Variants in TBC1D5 observed in about 807,000 individuals in gnomAD.
TBC1D5 encodes TBC1 domain family, member 5.
Under a neutral mutation model 100.3 loss-of-function variants are expected in TBC1D5, and 75 were observed. The ratio of observed to expected loss-of-function variants is 0.75; its 90% CI spans 0.62 to 0.91. TBC1D5 has a LOEUF of 0.91. TBC1D5 is among the 40% of genes least tolerant of loss of function. The pLI, the probability that TBC1D5 is intolerant of heterozygous loss-of-function variation, is 0.00. For synonymous variants in TBC1D5, 323 were observed against 325.6 expected (o/e 0.99, Z 0.09); for missense variants, 910 against 942.4 (o/e 0.97, Z 0.45).
chr3:17,335,391 T>C (rs553227333), intron 13 of TBC1D5, among the ~76,000 whole-genome samples: 1 of 152,242 alleles, frequency 6.6e-6, no homozygotes, highest in African/African-American at 2.4e-5. Context: ...GCTTTTGCCC[T>C]AAATCATCTC....
At chr3:17,382,565 T>C (rs2152214028) in intron 9 of TBC1D5, among the ~76,000 whole-genome samples, 1 of 40,858 alleles carries the variant, frequency 2.4e-5, no homozygotes, top group African/African-American at 2.2e-4. Flanking sequence ...TTGAATAACT[T>C]TTTTTTTTTT....
At chr3:17,725,620 G>C (rs1448789126) in intron 1 of TBC1D5, among the ~76,000 whole-genome samples, 2 of 152,128 alleles carry the variant, frequency 1.3e-5, no homozygotes, top group Non-Finnish European at 2.9e-5. Flanking sequence ...AAGCTCCTCA[G>C]AATGTGGCAA....
At chr3:17,193,790 C>T (rs770868062) in intron 18 of TBC1D5, among the ~76,000 whole-genome samples, 12 of 152,086 alleles carry the variant, frequency 7.9e-5, no homozygotes, top group Non-Finnish European at 1.6e-4. Context: ...GACCTTATAG[C>T]GTTGCTTGAG....
rs535274895 is a variant in TBC1D5, at chr3:17,713,773, A to G, written c.-101+25570T>C. ...AGATATTCAAATGGCCAGAAAGCAC[A>G]TGAAAACATGCTCAACATCATTAGT... On this transcript the variant is annotated intron_variant, in intron 1 of 21. Transcript: ENST00000253692. 4.6e-4 allele frequency among the ~76,000 whole-genome samples: 70 copies of G among 152,366 alleles called. 1 individual carries two copies. The highest frequency in any genetic ancestry group is 4.3e-4 in the Non-Finnish European group (29 of 68,044).
At chr3:17,580,799 T>C (rs936970071) in intron 2 of TBC1D5, among the ~76,000 whole-genome samples, 1 of 152,214 alleles carries the variant, frequency 6.6e-6, no homozygotes, top group Non-Finnish European at 1.5e-5. Flanking sequence ...TCAGATATTC[T>C]GAAAGACCAA....
At chr3:17,492,779 T>C (rs1361055632) in intron 3 of TBC1D5, among the ~76,000 whole-genome samples, 1 of 152,192 alleles carries the variant, frequency 6.6e-6, no homozygotes, top group Non-Finnish European at 1.5e-5. Flanking sequence ...TCCCAGAGAT[T>C]CTGGTACATT....
At chr3:17,185,053 A>G in intron 19 of TBC1D5, 56 bp downstream of exon 20, 13 of 1,477,060 alleles carry the variant, frequency 8.8e-6, no homozygotes, top group Non-Finnish European at 1.2e-5. Flanking sequence ...AAGTATTGCT[A>G]GTGGCTATTA....
chr3:17,348,576 CT>C (rs2090188122), intron 13 of TBC1D5, among the ~76,000 whole-genome samples: 1 of 152,106 alleles, frequency 6.6e-6, no homozygotes, highest in South Asian at 2.1e-4. Flanking sequence ...TCTTGGCTGT[CT>C]TTTTTTCTGA....
chr3:17,490,737 TC>T (rs1310088057), intron 3 of TBC1D5, among the ~76,000 whole-genome samples: 1 of 152,202 alleles, frequency 6.6e-6, no homozygotes, highest in Non-Finnish European at 1.5e-5. Flanking sequence ...TAGTTTGAAG[TC>T]GGGTAGCATG....
At chr3:17,265,390 T>C (rs914589836) in intron 15 of TBC1D5, among the ~76,000 whole-genome samples, 1 of 152,118 alleles carries the variant, frequency 6.6e-6, no homozygotes, top group South Asian at 2.1e-4. Context: ...TACCAACCCT[T>C]AATTTTTATA....
intron 2 of TBC1D5, among the ~76,000 whole-genome samples, chr3:17,570,589 T>TA (rs1167260861): frequency 1.3e-5 from 2 of 152,058 alleles, no homozygotes; most frequent in African/African-American, 2.4e-5. Flanking sequence ...TTGTATCACT[T>TA]ACCTATCTAC....
At chr3:17,417,040 G>A (rs1408748786) in intron 4 of TBC1D5, among the ~76,000 whole-genome samples, 1 of 152,082 alleles carries the variant, frequency 6.6e-6, no homozygotes, top group African/African-American at 2.4e-5. Flanking sequence ...TGGGGGGAAG[G>A]GTAAGAAGGC....
At chr3:17,712,119 T>A (rs1484406696) in intron 1 of TBC1D5, among the ~76,000 whole-genome samples, 2 of 152,012 alleles carry the variant, frequency 1.3e-5, no homozygotes, top group Non-Finnish European at 2.9e-5. Context: ...AAGCACCTCA[T>A]AGGAAACTGT....
At chr3:17,738,530 A>G (rs2077146858) in intron 1 of TBC1D5, among the ~76,000 whole-genome samples, 1 of 152,124 alleles carries the variant, frequency 6.6e-6, no homozygotes. Flanking sequence ...ATCATACAGA[A>G]TTTGTAAAAA....
chr3:17,463,208 T>C (rs1296932762), intron 3 of TBC1D5, among the ~76,000 whole-genome samples: 1 of 152,226 alleles, frequency 6.6e-6, no homozygotes, highest in African/African-American at 2.4e-5. Context: ...ATAAATATTC[T>C]GGGTTATATC....
chr3:17,714,892 C>T (rs2075088584), intron 1 of TBC1D5, among the ~76,000 whole-genome samples: 1 of 152,132 alleles, frequency 6.6e-6, no homozygotes, highest in South Asian at 2.1e-4. Flanking sequence ...ATCCCCATTA[C>T]ATTACAGGAT....
intron 2 of TBC1D5, among the ~76,000 whole-genome samples, chr3:17,561,827 A>T (rs374105289): frequency 9.9e-5 from 15 of 152,234 alleles, no homozygotes; most frequent in East Asian, 5.8e-4. Context: ...CACAAGAGGA[A>T]CGATCTCACA....
chr3:17,690,664 TCTCATAAGACTG>T (rs1180365944), intron 1 of TBC1D5, among the ~76,000 whole-genome samples: 3 of 152,292 alleles, frequency 2.0e-5, no homozygotes, highest in South Asian at 4.2e-4. Context: ...GGCATTAGAT[TCTCATAAGACTG>T]CTAACCCTTT....
intron 1 of TBC1D5, among the ~76,000 whole-genome samples, chr3:17,629,027 T>C (rs1226594638): frequency 6.6e-6 from 1 of 152,250 alleles, no homozygotes; most frequent in Non-Finnish European, 1.5e-5. Flanking sequence ...TTTTATCTTA[T>C]GCATTACTAA....
Sources: allele counts gnomAD v4.1 joint callset (sites outside exome capture counted in the v4.1 genomes callset), GRCh38; gene constraint gnomAD v4.1.1; transcripts MANE v1.5; gene names NCBI Gene and HGNC (gene_info 2026-07-23, HGNC 2026-07-21).